FAT4: variants seen among roughly 807,000 people sequenced by gnomAD.
The protein encoded by FAT4 is protocadherin Fat 4.
A neutral mutation model predicts 303.9 loss-of-function variants in FAT4; 84 were observed. The observed-to-expected ratio is 0.28, with a 90% CI of 0.23 to 0.33. The LOEUF is 0.33. Ranked by LOEUF, FAT4 falls within the 10% of genes least tolerant of loss-of-function variation. The pLI is 1.00. For missense variants in FAT4, 6,005 were observed against 6,146.8 expected (o/e 0.98, Z 0.77); for synonymous variants, 2,307 against 2,298.8 (o/e 1.00, Z -0.10).
At chr4:125,402,332 C>T (rs1377779285) in intron 3 of FAT4, among the ~76,000 whole-genome samples, 1 of 151,906 alleles carries the variant, frequency 6.6e-6, no homozygotes, top group Non-Finnish European at 1.5e-5. Context: ...AATGTAGCTA[C>T]TTCCATACCT....
At chr4:125,412,706 A>G (rs1175813844) in intron 5 of FAT4, among the ~76,000 whole-genome samples, 6 of 151,882 alleles carry the variant, frequency 4.0e-5, no homozygotes, top group Non-Finnish European at 7.4e-5. Context: ...CAGATACTTG[A>G]TTTAATTGCT....
Position 125,318,593 on chromosome 4 carries a change from A to G in FAT4, c.2182A>G (p.Ile728Val), listed in dbSNP as rs771623506. 2.5e-6 allele frequency: 4 copies of G among 1,614,178 alleles called. No individual in the cohort carries two copies. Among genetic ancestry groups the G allele is most frequent in the South Asian group, 1.1e-5 (1 of 91,082 alleles). Residue 728 changes from isoleucine to valine, a missense_variant, in exon 2 of 18, where the codon ATA becomes GTA. Ile to Val is a conservative substitution (Grantham distance 29, BLOSUM62 3). Coordinates refer to ENST00000394329, the MANE Select transcript of FAT4 (RefSeq NM_001291303.3). ...TACCAATGGTACTGTCAAATATAGC[A>G]TATCTGCTGGGGACAGGTCTCGGTT... ...LGTNGTVKYS[I>V]SAGDRSRFQV...
chr4:125,428,062 G>T (rs1297764374), intron 7 of FAT4, among the ~76,000 whole-genome samples: 1 of 152,010 alleles, frequency 6.6e-6, no homozygotes, highest in African/African-American at 2.4e-5. Flanking sequence ...ACTTTTGGAG[G>T]CTGAGGCAGG....
At chr4:125,470,673 A>G (rs6828096) in intron 12 of FAT4, among the ~76,000 whole-genome samples, 58,347 of 152,034 alleles carry the variant, frequency 0.38, 11,213 homozygotes, top group Middle Eastern at 0.46. Context: ...CCTTCATGCA[A>G]TGGAAGAGAG....
Position 125,319,561 on chromosome 4 carries a change from T to C in FAT4, c.3150T>C (p.Gly1050=), listed in dbSNP as rs1379648279. 9 of 1,614,002 alleles carry C rather than the reference T, an allele frequency of 5.6e-6. No homozygotes were observed. The highest frequency in any genetic ancestry group is 7.6e-6 in the Non-Finnish European group (9 of 1,179,982). ...ATGCTTTTGGCATATTCCCAGATGG[T>C]CAATTGTATATAAAAAGTGAACTGG... ...TGDAFGIFPD[G]QLYIKSELDR... The change falls in exon 2 of 18, where the codon GGT becomes GGC. Residue 1050 remains glycine, a synonymous_variant. Coordinates refer to ENST00000394329, the MANE Select transcript of FAT4 (RefSeq NM_001291303.3).
intron 16 of FAT4, 151 bp from the exon 17 acceptor site, chr4:125,487,194 A>G (rs1727437849): frequency 1.7e-6 from 1 of 602,116 alleles, no homozygotes; most frequent in East Asian, 3.0e-5. Context: ...AAAATTAGAG[A>G]CAAAGTGTGT....
At chr4:125,445,680 G>A (rs2126054063) in intron 8 of FAT4, among the ~76,000 whole-genome samples, 1 of 152,176 alleles carries the variant, frequency 6.6e-6, no homozygotes, top group South Asian at 2.1e-4. Flanking sequence ...TATCTGGTTA[G>A]CATCAAAACA....
intron 7 of FAT4, among the ~76,000 whole-genome samples, chr4:125,422,040 ACTG>A (rs1262976020): frequency 1.3e-5 from 2 of 152,112 alleles, no homozygotes; most frequent in African/African-American, 2.4e-5. Flanking sequence ...GAAACATTCA[ACTG>A]CTATTTTTCT....
rs1730801577 is a variant in FAT4 at position 125,319,112 on chromosome 4, A to G, written c.2701A>G (p.Asn901Asp). 1 of 1,614,056 alleles carries G rather than the reference A, an allele frequency of 6.2e-7. No homozygotes were observed. Among genetic ancestry groups the G allele is most frequent in the Non-Finnish European group, 8.5e-7 (1 of 1,179,986 alleles). Residue 901 changes from asparagine (N) to aspartate (D), a missense_variant, in exon 2 of 18, where the codon AAT becomes GAT. Physicochemically the swap from Asn to Asp is conservative, Grantham distance 23. Transcript: ENST00000394329. Reference protein sequence around the residue: ...PHFLQAIESVNVVENWQAGHS... With the variant: ...PHFLQAIESVDVVENWQAGHS... ...TTTCCTTCAGGCAATAGAGAGTGTA[A>G]ATGTGGTGGAGAATTGGCAGGCAGG...
intron 8 of FAT4, among the ~76,000 whole-genome samples, chr4:125,441,147 T>C (rs977267469): frequency 1.3e-5 from 2 of 152,174 alleles, no homozygotes; most frequent in Admixed American, 1.3e-4. Context: ...AAAAATTTAT[T>C]AAACTCTCAG....
chr4:125,414,785 G>C, intron 5 of FAT4, 99 bp from the exon 6 acceptor site: 1 of 727,926 alleles, frequency 1.4e-6, no homozygotes, highest in Non-Finnish European at 2.3e-6. Context: ...TGGATGCACG[G>C]CATATCAAAC....
At chr4:125,361,880 A>G (rs1388956308) in intron 2 of FAT4, among the ~76,000 whole-genome samples, 1 of 152,140 alleles carries the variant, frequency 6.6e-6, no homozygotes, top group Non-Finnish European at 1.5e-5. Flanking sequence ...TTATCCATTA[A>G]GCACGGAGAT....
chr4:125,439,572 C>T (rs536726688), intron 8 of FAT4, among the ~76,000 whole-genome samples: 2 of 151,850 alleles, frequency 1.3e-5, no homozygotes, highest in South Asian at 2.1e-4. Flanking sequence ...ATCTTCTGAT[C>T]TCGTGATCTG....
rs1445051166 is a variant in FAT4 at position 125,452,586 on chromosome 4, G to C, written c.11576G>C (p.Ser3859Thr). The C allele has an allele frequency of 6.2e-7, 1 of 1,614,062 alleles. No individual in the cohort carries two copies. Residue 3859 changes from serine (S) to threonine (T), a missense_variant, in exon 10 of 18, where the codon AGC becomes ACC. Transcript: ENST00000394329. Reference sequence around the variant, plus strand: ...AAGTGTCTGCCAGGATATGCGGGTAGCTGGTGTGAAATAGATATAGATGAA... The same window carrying C: ...AAGTGTCTGCCAGGATATGCGGGTACCTGGTGTGAAATAGATATAGATGAA... ...LCKCLPGYAGSWCEIDIDECL... is the reference protein window; with the variant it reads ...LCKCLPGYAGTWCEIDIDECL...
rs1725994990 is a variant in FAT4 at position 125,450,092 on chromosome 4, G to A, written c.9082G>A (p.Asp3028Asn). The A allele has an allele frequency of 1.2e-6, 2 of 1,613,628 alleles. No individual in the cohort carries two copies. The highest frequency in any genetic ancestry group is 1.7e-5 in the Admixed American group (1 of 59,984). ...AGAAGTGGAGTATTTCATTTCTAAT[G>A]ATAACCATTTAGGAAAATTTAAGTT... The part of the protein sequence containing the change: ...NSEVEYFISN[D>N]NHLGKFKLDN... Residue 3028 changes from aspartate to asparagine, a missense_variant, in exon 10 of 18, where the codon GAT (aspartate) becomes AAT (asparagine). Physicochemically the swap from Asp to Asn is conservative, Grantham distance 23 (BLOSUM62 1). Coordinates refer to ENST00000394329, the MANE Select transcript of FAT4 (RefSeq NM_001291303.3).
chr4:125,475,382 T>A (rs909528787), intron 12 of FAT4, among the ~76,000 whole-genome samples: 3 of 152,088 alleles, frequency 2.0e-5, no homozygotes, highest in African/African-American at 7.2e-5. Context: ...CTGAGGCCTT[T>A]TAACCATAAA....
At chr4:125,385,836 A>T (rs1733728200) in intron 2 of FAT4, among the ~76,000 whole-genome samples, 2 of 152,228 alleles carry the variant, frequency 1.3e-5, no homozygotes, top group South Asian at 4.1e-4. Flanking sequence ...AAAAAAATTC[A>T]GCTTTTCGTC....
At chr4:125,379,277 C>T (rs768094173) in intron 2 of FAT4, among the ~76,000 whole-genome samples, 6 of 150,324 alleles carry the variant, frequency 4.0e-5, no homozygotes, top group Non-Finnish European at 7.4e-5. Flanking sequence ...AGGAAGTACA[C>T]TGAACTGAGA....
intron 8 of FAT4, among the ~76,000 whole-genome samples, chr4:125,443,823 A>G (rs1355330185): frequency 2.0e-5 from 3 of 152,154 alleles, no homozygotes; most frequent in Non-Finnish European, 4.4e-5. Context: ...GAATAGAACC[A>G]AGCCTCAAGT....
Sources: allele counts gnomAD v4.1 joint callset (sites outside exome capture counted in the v4.1 genomes callset), GRCh38; gene constraint gnomAD v4.1.1; transcripts MANE v1.5; gene names NCBI Gene and HGNC (gene_info 2026-07-23, HGNC 2026-07-21).